CHL1: variants seen among roughly 807,000 people sequenced by gnomAD.
The protein encoded by CHL1 is neural cell adhesion molecule L1-like protein.
Under a neutral mutation model 141.9 loss-of-function variants are expected in CHL1, and 96 were observed. That is an observed-to-expected ratio of 0.68 (90% CI 0.57 to 0.80). The LOEUF is 0.80. Ranked by LOEUF, CHL1 falls within the 30% of genes least tolerant of loss-of-function variation. The probability of loss-of-function intolerance (pLI) is 0.00; values close to 1 mark genes in which losing one functional copy is unlikely to be tolerated. For missense variants in CHL1, 1,820 were observed against 1,457.2 expected (o/e 1.25, Z -4.05); for synonymous variants, 613 against 502.2 (o/e 1.22, Z -2.95).
intron 1 of CHL1, among the ~76,000 whole-genome samples, chr3:224,687 C>T (rs1414586107): frequency 6.6e-6 from 1 of 152,196 alleles, no homozygotes; most frequent in Non-Finnish European, 1.5e-5. Flanking sequence ...CCAGTGAAAA[C>T]TCTTTTCTTT....
intron 1 of CHL1, among the ~76,000 whole-genome samples, chr3:227,222 G>A (rs1701434852): frequency 6.6e-6 from 1 of 152,040 alleles, no homozygotes. Context: ...TTCCTTTCCT[G>A]TTTTCTGTTG....
At chr3:322,629 T>TTA (rs1230701245) in intron 3 of CHL1, among the ~76,000 whole-genome samples, 18 of 119,894 alleles carry the variant, frequency 1.5e-4, no homozygotes, top group African/African-American at 2.5e-4. Flanking sequence ...CATCTCTAAA[T>TTA]TATATATATA....
intron 8 of CHL1, among the ~76,000 whole-genome samples, chr3:344,210 T>C (rs1301330926): frequency 2.0e-5 from 3 of 152,164 alleles, no homozygotes; most frequent in African/African-American, 7.2e-5. Flanking sequence ...GTTAAATTCT[T>C]AGGCAATTTA....
At chr3:303,273 T>A (rs1268324717) in intron 2 of CHL1, among the ~76,000 whole-genome samples, 2 of 151,858 alleles carry the variant, frequency 1.3e-5, no homozygotes, top group African/African-American at 4.8e-5. Flanking sequence ...TTTCCAATTC[T>A]GTGAAGAAAG....
At chr3:390,495 T>C (rs1708131956) in intron 20 of CHL1, among the ~76,000 whole-genome samples, 1 of 152,246 alleles carries the variant, frequency 6.6e-6, no homozygotes, top group Admixed American at 6.5e-5. Flanking sequence ...GCTTTGTTTC[T>C]CAGTGTGATA....
chr3:388,579 A>G (rs1326893371), intron 19 of CHL1, among the ~76,000 whole-genome samples: 1 of 152,112 alleles, frequency 6.6e-6, no homozygotes, highest in Non-Finnish European at 1.5e-5. Flanking sequence ...AAACGAAAAA[A>G]AAAGTTATTC....
rs1288203181 is a variant in CHL1, at chr3:382,701, C to T, written c.2176+30C>T. 3.2e-6 allele frequency: 5 copies of T among 1,581,204 alleles called. No individual in the cohort carries two copies. In the South Asian group the frequency reaches 3.3e-5, roughly 11 times the overall value. On this transcript the variant is annotated intron_variant, in intron 18 of 27. Transcript: ENST00000256509. Reference sequence around the variant, plus strand: ...GCAGGTTCTCACATCAGGTTTCTAACAAAATATTTGTTTGTCCCCATCTTT... The same window carrying T: ...GCAGGTTCTCACATCAGGTTTCTAATAAAATATTTGTTTGTCCCCATCTTT...
chr3:310,721 A>T (rs28429064), intron 2 of CHL1, among the ~76,000 whole-genome samples: 15,359 of 152,222 alleles, frequency 0.1, 1,135 homozygotes, highest in African/African-American at 0.2. Flanking sequence ...CAACTGATGA[A>T]CCTACATTGA....
chr3:216,516 A>G (rs1700334954), intron 1 of CHL1, among the ~76,000 whole-genome samples: 1 of 152,200 alleles, frequency 6.6e-6, no homozygotes, highest in African/African-American at 2.4e-5. Context: ...GAACCCTAGG[A>G]GAGTCAACTC....
At chr3:208,702 G>A (rs543489106) in intron 1 of CHL1, among the ~76,000 whole-genome samples, 18 of 152,250 alleles carry the variant, frequency 1.2e-4, no homozygotes, top group African/African-American at 4.3e-4. Flanking sequence ...GTGTACCTGC[G>A]TGAGGGTGGG....
intron 2 of CHL1, among the ~76,000 whole-genome samples, chr3:280,892 CCACA>C (rs141343654): frequency 1.3e-5 from 2 of 149,580 alleles, no homozygotes; most frequent in African/African-American, 2.5e-5. Flanking sequence ...CACACATGCA[CCACA>C]CACACACACA....
chr3:252,282 T>C (rs1171461138), intron 2 of CHL1, among the ~76,000 whole-genome samples: 1 of 148,258 alleles, frequency 6.7e-6, no homozygotes, highest in East Asian at 2.0e-4. Context: ...GTTTTAGCTA[T>C]ACAAAGCCTG....
intron 2 of CHL1, among the ~76,000 whole-genome samples, chr3:315,272 A>G (rs972626354): frequency 1.3e-5 from 2 of 152,154 alleles, no homozygotes; most frequent in African/African-American, 4.8e-5. Context: ...CAGGCTGGGT[A>G]AACTGCCCAC....
At chr3:249,680 A>T (rs528719519) in intron 2 of CHL1, among the ~76,000 whole-genome samples, 7 of 152,170 alleles carry the variant, frequency 4.6e-5, no homozygotes, top group Non-Finnish European at 8.8e-5. Context: ...TCACAGTTGC[A>T]AACAGCAGGT....
chr3:274,617 C>T (rs1695928140), intron 2 of CHL1, among the ~76,000 whole-genome samples: 1 of 152,192 alleles, frequency 6.6e-6, no homozygotes, highest in African/African-American at 2.4e-5. Context: ...TGTAGGCTGA[C>T]ACGTTACCAA....
In CHL1 at chr3:394,680, T is replaced by G; in HGVS notation, c.2915-13T>G. 6.3e-7 allele frequency: 1 copy of G among 1,585,008 alleles called. No homozygotes were observed. The highest frequency in any genetic ancestry group is 8.6e-7 in the Non-Finnish European group (1 of 1,160,272). ...AAATACATTTGAGCTGTTGTTCATG[T>G]TTATTTTTTTAGTAAATGACACCTA... On this transcript the variant is annotated splice_polypyrimidine_tract_variant and intron_variant, in intron 23 of 27. Transcript: ENST00000256509.
chr3:226,821 T>C (rs537453985), intron 1 of CHL1, among the ~76,000 whole-genome samples: 2 of 152,284 alleles, frequency 1.3e-5, no homozygotes, highest in South Asian at 2.1e-4. Flanking sequence ...GCCTTTCTTC[T>C]CAATGCTTAG....
intron 2 of CHL1, among the ~76,000 whole-genome samples, chr3:284,041 T>G (rs900127011): frequency 2.6e-5 from 4 of 152,222 alleles, no homozygotes; most frequent in Non-Finnish European, 5.9e-5. Context: ...ACTTACTATG[T>G]ACCAATTATC....
intron 2 of CHL1, among the ~76,000 whole-genome samples, chr3:264,084 A>T (rs1694966049): frequency 6.6e-6 from 1 of 152,078 alleles, no homozygotes; most frequent in Non-Finnish European, 1.5e-5. Context: ...CTTTGCTCTG[A>T]CTCTGTCATT....
Sources: allele counts gnomAD v4.1 joint callset (sites outside exome capture counted in the v4.1 genomes callset), GRCh38; gene constraint gnomAD v4.1.1; transcripts MANE v1.5; gene names NCBI Gene and HGNC (gene_info 2026-07-23, HGNC 2026-07-21).